The following CAMK4 variants were observed in gnomAD, a reference collection of about 807,000 sequenced individuals.
CAMK4 encodes the protein calcium/calmodulin-dependent protein kinase type IV.
A neutral mutation model predicts 44.9 loss-of-function variants in CAMK4; 22 were observed. That is an observed-to-expected ratio of 0.49 (90% CI 0.35 to 0.70). The LOEUF is 0.70. Ranked by LOEUF, CAMK4 falls within the 30% of genes least tolerant of loss-of-function variation. The probability of loss-of-function intolerance (pLI) is 0.01; values close to 1 mark genes in which losing one functional copy is unlikely to be tolerated. For missense variants in CAMK4, 498 were observed against 586.8 expected (o/e 0.85, Z 1.56); for synonymous variants, 218 against 215.4 (o/e 1.01, Z -0.11).
At chr5:111,269,971 T>A (rs942044627) in intron 1 of CAMK4, 1 of 152,388 alleles carries the variant, frequency 6.6e-6, no homozygotes, top group Non-Finnish European at 1.5e-5. Flanking sequence ...CCTATGCATC[T>A]GACCTTTTGA....
At chr5:111,431,211 C>T (rs962160589) in intron 5 of CAMK4, among the ~76,000 whole-genome samples, 1 of 152,064 alleles carries the variant, frequency 6.6e-6, no homozygotes, top group East Asian at 1.9e-4. Flanking sequence ...AATCTATACA[C>T]CTACAGTGAA....
chr5:111,425,162 TA>T (rs11351159), intron 5 of CAMK4, among the ~76,000 whole-genome samples: 70,960 of 128,296 alleles, frequency 0.55, 19,085 homozygotes, highest in Middle Eastern at 0.66. Flanking sequence ...GACGCTGTCT[TA>T]AAAAAAAAAA....
intron 7 of CAMK4, among the ~76,000 whole-genome samples, chr5:111,454,165 AT>A (rs1754334854): frequency 6.6e-6 from 1 of 152,208 alleles, no homozygotes; most frequent in African/African-American, 2.4e-5. Flanking sequence ...TCTGACACCC[AT>A]ATAATTGACA....
At chr5:111,396,917 A>G (rs1752034928) in intron 5 of CAMK4, among the ~76,000 whole-genome samples, 1 of 152,166 alleles carries the variant, frequency 6.6e-6, no homozygotes, top group Non-Finnish European at 1.5e-5. Context: ...CTGGAATTAC[A>G]GGCGTGAGCC....
In CAMK4 at chr5:111,492,990, G is replaced by A. The variant is rs1367489115; in HGVS notation, c.*8524G>A. 1 of 152,230 alleles carries A rather than the reference G, an allele frequency of 6.6e-6. No homozygotes were observed. Among genetic ancestry groups the A allele is most frequent in the African/African-American group, 2.4e-5 (1 of 41,440 alleles). The allele number at this position is 152,230 out of a possible 1,614,324, so 9.4% of individuals were successfully genotyped here. On this transcript the variant is annotated 3_prime_UTR_variant, in exon 11 of 11. Transcript: ENST00000282356. The stretch of plus-strand genomic sequence containing the variant: ...TTTGCAGGTAGGGAAGAAGTAGGGG[G>A]CATGTCTGGCTGAGAACCGGCCTGA...
rs905681892 is a variant in CAMK4, at chr5:111,493,701, T to C, written c.*9235T>C. 1 of 152,236 alleles carries C rather than the reference T, an allele frequency of 6.6e-6. No individual in the cohort carries two copies. Among genetic ancestry groups the C allele is most frequent in the African/African-American group, 2.4e-5 (1 of 41,468 alleles). The allele number at this position is 152,236 out of a possible 1,614,324, so 9.4% of individuals were successfully genotyped here. On this transcript the variant is annotated 3_prime_UTR_variant, in exon 11 of 11. Coordinates refer to ENST00000282356, the MANE Select transcript of CAMK4 (RefSeq NM_001744.6). This position sits in a 1 kb window ranked among gnomAD's most constrained non-coding sequence, Gnocchi z 4.1. ...CCCTTTTGTCCCTTTACATACTGTT[T>C]TGTAAGTTCCTTTTGATATCATTTA...
intron 1 of CAMK4, among the ~76,000 whole-genome samples, chr5:111,234,424 A>T (rs1748623525): frequency 6.6e-6 from 1 of 152,184 alleles, no homozygotes; most frequent in Non-Finnish European, 1.5e-5. Context: ...CATCAAGCAG[A>T]GGGTGAACTT....
intron 8 of CAMK4, among the ~76,000 whole-genome samples, chr5:111,478,070 A>G (rs1404523601): frequency 3.3e-5 from 5 of 151,424 alleles, no homozygotes; most frequent in Admixed American, 3.3e-4. Context: ...GTTAGCTATT[A>G]TTATTATTGT....
chr5:111,405,715 C>G (rs1752400562), intron 5 of CAMK4, among the ~76,000 whole-genome samples: 1 of 152,104 alleles, frequency 6.6e-6, no homozygotes, highest in South Asian at 2.1e-4. Flanking sequence ...TCACATGATT[C>G]TGCAGATGAA....
intron 1 of CAMK4, among the ~76,000 whole-genome samples, chr5:111,329,730 TAC>T (rs1247643385): frequency 3.3e-5 from 5 of 151,708 alleles, no homozygotes; most frequent in African/African-American, 1.2e-4. Context: ...GAAAAAATCA[TAC>T]AGTCATCTCA....
At chr5:111,381,916 T>C (rs1449858942) in intron 4 of CAMK4, among the ~76,000 whole-genome samples, 1 of 99,552 alleles carries the variant, frequency 1.0e-5, no homozygotes, top group East Asian at 3.3e-4. Context: ...ATACTCACTA[T>C]GCAAATATGA....
rs78274577 is a variant in CAMK4 at position 111,281,617 on chromosome 5, G to A, written c.161+56973G>A. 3.4e-3 allele frequency among the ~76,000 whole-genome samples: 522 copies of A among 152,258 alleles called. 4 individuals carry two copies. The highest frequency in any genetic ancestry group is 0.012 in the African/African-American group (495 of 41,548). ...GCCTCTCTGGGTTATGTAATGAGAAGATTATCAAGAGATATAAGGATAAAC... is the reference window on the plus strand; with the variant it reads ...GCCTCTCTGGGTTATGTAATGAGAAAATTATCAAGAGATATAAGGATAAAC... On this transcript the variant is annotated intron_variant, in intron 1 of 10. Coordinates refer to ENST00000282356, the MANE Select transcript of CAMK4 (RefSeq NM_001744.6).
intron 7 of CAMK4, among the ~76,000 whole-genome samples, chr5:111,471,618 C>T (rs1755069000): frequency 6.6e-6 from 1 of 152,184 alleles, no homozygotes; most frequent in South Asian, 2.1e-4. Flanking sequence ...GTGTCTCAGA[C>T]TAGATCCTGT....
intron 5 of CAMK4, among the ~76,000 whole-genome samples, chr5:111,434,505 G>A (rs1403138661): frequency 1.3e-5 from 2 of 152,198 alleles, no homozygotes; most frequent in Non-Finnish European, 2.9e-5. Context: ...TACTTTGCCC[G>A]AAATAGATTC....
chr5:111,237,144 A>C (rs1748766403), intron 1 of CAMK4, among the ~76,000 whole-genome samples: 1 of 152,124 alleles, frequency 6.6e-6, no homozygotes, highest in Admixed American at 6.5e-5. Context: ...TATAGTGAAC[A>C]CTCATTACAT....
rs143715106 is a variant in CAMK4 at position 111,476,116 on chromosome 5, G to GTT, written c.702-2257_702-2256dup. Among the ~76,000 whole-genome samples, 432 of 150,896 alleles carry GTT rather than the reference G, an allele frequency of 2.9e-3. 6 individuals are homozygous for GTT. Among genetic ancestry groups the GTT allele is most frequent in the African/African-American group, 1.0e-2 (409 of 41,086 alleles). On this transcript the variant is annotated intron_variant, in intron 8 of 10. Transcript: ENST00000282356. ...CTGTATGTACATAAACTCTGGGGCT[G>GTT]TTTTTTTTTAATAAAGCCATGAATA...
chr5:111,300,425 G>A (rs1747672671), intron 1 of CAMK4, among the ~76,000 whole-genome samples: 1 of 152,180 alleles, frequency 6.6e-6, no homozygotes, highest in South Asian at 2.1e-4. Flanking sequence ...TGAAGAAAGT[G>A]TGTAGTTTTA....
intron 1 of CAMK4, among the ~76,000 whole-genome samples, chr5:111,269,584 A>G (rs548035481): frequency 6.6e-6 from 1 of 152,242 alleles, no homozygotes; most frequent in East Asian, 1.9e-4. Flanking sequence ...TTTGGGTACC[A>G]TGCAAGCACT....
Position 111,330,311 on chromosome 5 carries a change from G to A in CAMK4, c.162-13713G>A, listed in dbSNP as rs1749110572. Among the ~76,000 whole-genome samples the A allele has an allele frequency of 2.0e-5, 3 of 151,318 alleles. No individual in the cohort carries two copies. The Admixed American group carries it at 2.0e-4, about 10-fold the overall frequency. On this transcript the variant is annotated intron_variant, in intron 1 of 10. Transcript: ENST00000282356. ...CAAAAGACATAAAAGACTTTTACTA[G>A]GAAAACTTCAAAATATTGCTGAGAA... is the stretch of plus-strand genomic sequence containing the variant.
Sources: gnomAD v4.1 joint callset for allele counts (sites outside exome capture counted in the v4.1 genomes callset) on GRCh38, gnomAD v4.1.1 for gene constraint, Gnocchi (gnomAD v3.1) non-coding constraint, MANE v1.5 for transcripts, NCBI Gene and HGNC (gene_info 2026-07-23, HGNC 2026-07-21) for gene names.